Variants in TSBP1 observed in about 807,000 individuals in gnomAD.
TSBP1 encodes testis-expressed basic protein 1.
TSBP1 carries 56 observed loss-of-function variants against 68.8 expected under a neutral mutation model. The ratio of observed to expected loss-of-function variants is 0.81; its 90% CI spans 0.66 to 1.02. TSBP1 has a LOEUF of 1.02. TSBP1 is among the 50% of genes least tolerant of loss of function. The pLI, the probability that TSBP1 is intolerant of heterozygous loss-of-function variation, is 0.00. For synonymous variants in TSBP1, 171 were observed against 208.7 expected (o/e 0.82, Z 1.56); for missense variants, 502 against 641.2 (o/e 0.78, Z 2.34).
intron 18 of TSBP1, among the ~76,000 whole-genome samples, chr6:32,318,316 C>T (rs1157374142): frequency 2.0e-5 from 3 of 151,930 alleles, no homozygotes; most frequent in African/African-American, 4.8e-5. Context: ...GGTGAGAGGA[C>T]GTAGACAGTC....
chr6:32,336,964 G>A lies in TSBP1; in HGVS notation c.410-329C>T, dbSNP rs1212688828. Among the ~76,000 whole-genome samples the A allele has an allele frequency of 7.6e-6, 1 of 131,754 alleles. No homozygotes were observed. The highest frequency in any genetic ancestry group is 2.5e-5 in the African/African-American group (1 of 40,046). 86.4% of individuals were successfully genotyped at this position (131,754 alleles called of 152,430 possible). The stretch of plus-strand genomic sequence containing the variant: ...GTGTCTGATTGCTTGGGCATCAGAA[G>A]GTGTCAGAAGATTTGAATACAATTA... On this transcript the variant is annotated intron_variant, in intron 11 of 22. Transcript: ENST00000612031. The surrounding 1 kb of genome is among the most constrained non-coding windows in gnomAD (Gnocchi z 5.2).
At position 32,294,109 on chromosome 6, in the gene TSBP1, A is replaced by T. The variant is rs764929570; in HGVS notation, c.638-74T>A. On this transcript the variant is annotated intron_variant, in intron 22 of 22. Transcript: ENST00000612031. ...TTATTTCTATTTTTTTCCCCTTGAT[A>T]CTGGTTCCTTTTTTGTCTTAAAACT... The T allele has an allele frequency of 2.5e-6, 4 of 1,577,502 alleles. No individual in the cohort carries two copies. In the African/African-American group the frequency reaches 5.4e-5, roughly 21 times the overall value.
Position 32,333,845 on chromosome 6 carries a change from T to C in TSBP1, c.472+1592A>G, listed in dbSNP as rs1266398209. On this transcript the variant is annotated intron_variant, in intron 14 of 22. Coordinates refer to ENST00000612031, the Ensembl canonical transcript of TSBP1. This position sits in a 1 kb window ranked among gnomAD's most constrained non-coding sequence, Gnocchi z 4.2. ...TGAGAAATATCCACATTTTGATCAATAATCCTCGAACTTTTAACTCTGAAT... is the reference window on the plus strand; with the variant it reads ...TGAGAAATATCCACATTTTGATCAACAATCCTCGAACTTTTAACTCTGAAT... 1 of 158,870 alleles carries C rather than the reference T, an allele frequency of 6.3e-6. No homozygotes were observed. The highest frequency in any genetic ancestry group is 8.1e-4 in the Middle Eastern group (1 of 1,232). The allele number at this position is 158,870 out of a possible 1,614,324, so 9.8% of individuals were successfully genotyped here.
chr6:32,341,449 G>T (rs1052830388), intron 9 of TSBP1, among the ~76,000 whole-genome samples: 2 of 152,168 alleles, frequency 1.3e-5, no homozygotes, highest in Admixed American at 1.3e-4. Flanking sequence ...ATAAGGGATA[G>T]AGATGGTGAA....
At chr6:32,370,601 T>C (rs1235096858) in intron 1 of TSBP1, among the ~76,000 whole-genome samples, 1 of 151,898 alleles carries the variant, frequency 6.6e-6, no homozygotes, top group Non-Finnish European at 1.5e-5. Flanking sequence ...CAGAAATTTC[T>C]TGTCACAGAA....
Position 32,313,750 on chromosome 6 carries a change from C to A in TSBP1, c.580+2022G>T, listed in dbSNP as rs1690339737. On this transcript the variant is annotated intron_variant, in intron 19 of 22. Coordinates refer to ENST00000612031, the Ensembl canonical transcript of TSBP1. ...ACACTGCCACTGAACCAGATCTCAGCTGTTTTAACTTGGAATATTATGCAC... is the reference window on the plus strand; with the variant it reads ...ACACTGCCACTGAACCAGATCTCAGATGTTTTAACTTGGAATATTATGCAC... Among the ~76,000 whole-genome samples the A allele has an allele frequency of 2.0e-5, 3 of 152,168 alleles. No homozygotes were observed. The South Asian group carries it at 6.2e-4, about 32-fold the overall frequency.
At chr6:32,367,489 G>A (rs1266679944) in intron 4 of TSBP1, among the ~76,000 whole-genome samples, 1 of 152,110 alleles carries the variant, frequency 6.6e-6, no homozygotes, top group Non-Finnish European at 1.5e-5. Flanking sequence ...CCTCAGCTAG[G>A]TGAACTTGAG....
At chr6:32,332,470 T>G (rs1389412044) in intron 14 of TSBP1, among the ~76,000 whole-genome samples, 1 of 152,214 alleles carries the variant, frequency 6.6e-6, no homozygotes, top group Non-Finnish European at 1.5e-5. Context: ...AGGTAGACAT[T>G]AGAATAGGAG....
intron 14 of TSBP1, 121 bp from the exon 16 acceptor site, chr6:32,332,175 A>G (rs946589125): frequency 1.4e-6 from 1 of 727,642 alleles, no homozygotes; most frequent in Non-Finnish European, 2.5e-6. Context: ...GATATCAGTT[A>G]TGAGATCATT....
chr6:32,305,246 G>C (rs1765683376), intron 19 of TSBP1, among the ~76,000 whole-genome samples: 1 of 152,174 alleles, frequency 6.6e-6, no homozygotes, highest in African/African-American at 2.4e-5. Flanking sequence ...AAGTTTATTG[G>C]GGGTCTTCTG....
exon 23 of TSBP1, chr6:32,293,831 G>T: frequency 6.2e-7 from 1 of 1,612,984 alleles, no homozygotes; most frequent in East Asian, 2.2e-5. Context: ...CTCTAAATCA[G>T]TGCCTTTTCC....
At chr6:32,327,118 T>G (rs1193541268) in intron 16 of TSBP1, among the ~76,000 whole-genome samples, 1 of 152,226 alleles carries the variant, frequency 6.6e-6, no homozygotes, top group Non-Finnish European at 1.5e-5. Context: ...TTCTCCTTTA[T>G]TCATTCCTTA....
chr6:32,293,065 T>G (rs896771035), exon 23 of TSBP1: 1 of 1,612,522 alleles, frequency 6.2e-7, no homozygotes, highest in Non-Finnish European at 8.5e-7. Flanking sequence ...CATTGATTTC[T>G]GATTCTCTCT....
Position 32,299,937 on chromosome 6 carries a change from C to T in TSBP1, c.623-1G>A. On this transcript the variant is annotated splice_acceptor_variant, in intron 21 of 22. Coordinates refer to ENST00000612031, the Ensembl canonical transcript of TSBP1. LOFTEE classifies it high-confidence loss of function. ...TGGAACTTACCCACAGGAGTCAGTGCTAAAAACAAAACACAAAAGAAAGAT... is the reference window on the plus strand; with the variant it reads ...TGGAACTTACCCACAGGAGTCAGTGTTAAAAACAAAACACAAAAGAAAGAT... 1 of 1,608,880 alleles carries T rather than the reference C, an allele frequency of 6.2e-7. No homozygotes were observed. Among genetic ancestry groups the T allele is most frequent in the Non-Finnish European group, 8.5e-7 (1 of 1,175,640 alleles).
chr6:32,360,670 T>C (rs1045390175), intron 6 of TSBP1, among the ~76,000 whole-genome samples: 1 of 152,162 alleles, frequency 6.6e-6, no homozygotes, highest in African/African-American at 2.4e-5. Context: ...CTAACAACAG[T>C]GTACAAGGGT....
At chr6:32,354,973 A>G (rs767277150) in intron 8 of TSBP1, 151 bp downstream of exon 8, 2 of 548,866 alleles carry the variant, frequency 3.6e-6, no homozygotes, top group Non-Finnish European at 6.4e-6. Context: ...CAAGAATATT[A>G]TCAATTTGTC....
chr6:32,301,315 C>T (rs575696707), intron 20 of TSBP1, among the ~76,000 whole-genome samples: 1 of 152,260 alleles, frequency 6.6e-6, no homozygotes, highest in African/African-American at 2.4e-5. Flanking sequence ...AGGTGTAAGC[C>T]ACCATGCCTG....
At chr6:32,367,990 T>C in intron 3 of TSBP1, 33 bp from the exon 4 acceptor site, 1 of 1,502,888 alleles carries the variant, frequency 6.7e-7, no homozygotes, top group African/African-American at 1.9e-5. Flanking sequence ...TGATTTTGCT[T>C]CTTGATTATT....
At chr6:32,308,407 G>C (rs1455027194) in intron 19 of TSBP1, among the ~76,000 whole-genome samples, 1 of 150,600 alleles carries the variant, frequency 6.6e-6, no homozygotes, top group African/African-American at 2.4e-5. Flanking sequence ...GACCATCCCG[G>C]CTAAAACGGT....
Sources: gnomAD v4.1 joint callset for allele counts (sites outside exome capture counted in the v4.1 genomes callset) on GRCh38, gnomAD v4.1.1 for gene constraint, Gnocchi (gnomAD v3.1) non-coding constraint, MANE v1.5 for transcripts, NCBI Gene and HGNC (gene_info 2026-07-23, HGNC 2026-07-21) for gene names.